SLC2A13: variants seen among roughly 807,000 people sequenced by gnomAD.
SLC2A13 encodes the protein solute carrier family 2 member 13.
SLC2A13 carries 32 observed loss-of-function variants against 64.4 expected under a neutral mutation model. The ratio of observed to expected loss-of-function variants is 0.50; its 90% confidence interval spans 0.37 to 0.67. The LOEUF is 0.67. SLC2A13 is among the 30% of genes least tolerant of loss of function. The pLI, the probability that SLC2A13 is intolerant of heterozygous loss-of-function variation, is 0.00. For synonymous variants in SLC2A13, 338 were observed against 327.1 expected (o/e 1.03, Z -0.36); for missense variants, 743 against 829.2 (o/e 0.90, Z 1.28).
At chr12:39,802,146 C>T (rs1566806891) in intron 7 of SLC2A13, 2 of 152,246 alleles carry the variant, frequency 1.3e-5, no homozygotes, top group South Asian at 2.1e-4. Flanking sequence ...ATCTTTGCGA[C>T]TGCATATGGC....
chr12:39,900,059 C>A (rs1945043027), intron 4 of SLC2A13, among the ~76,000 whole-genome samples: 3 of 152,024 alleles, frequency 2.0e-5, no homozygotes, highest in Admixed American at 6.6e-5. Flanking sequence ...TAAATGTAAT[C>A]CAGCATATAA....
intron 7 of SLC2A13, among the ~76,000 whole-genome samples, chr12:39,774,429 A>G (rs1041546176): frequency 6.6e-6 from 1 of 152,226 alleles, no homozygotes; most frequent in African/African-American, 2.4e-5. Flanking sequence ...ATAATCTAAA[A>G]TGAAATAAAC....
At chr12:39,986,054 T>C (rs1947025485) in intron 3 of SLC2A13, among the ~76,000 whole-genome samples, 1 of 152,094 alleles carries the variant, frequency 6.6e-6, no homozygotes, top group Admixed American at 6.6e-5. Context: ...TGTCCTCACA[T>C]GACGGGAGGG....
At chr12:39,800,254 C>T (rs576624950) in intron 7 of SLC2A13, among the ~76,000 whole-genome samples, 16 of 152,144 alleles carry the variant, frequency 1.1e-4, no homozygotes, top group Non-Finnish European at 2.4e-4. Flanking sequence ...ACTAGAATCT[C>T]TTCTGAGAAT....
chr12:40,071,576 T>C (rs2136270079), intron 1 of SLC2A13, among the ~76,000 whole-genome samples: 1 of 152,286 alleles, frequency 6.6e-6, no homozygotes, highest in South Asian at 2.1e-4. Flanking sequence ...TTCTAAACAA[T>C]TGGTACAGTT....
rs202141999 is a variant in SLC2A13, at chr12:39,995,403, T to TCC, written c.925+32896_925+32897dup. Among the ~76,000 whole-genome samples the TCC allele has an allele frequency of 2.8e-3, 419 of 152,000 alleles. 1 individual carries two copies. Among genetic ancestry groups the TCC allele is most frequent in the African/African-American group, 9.0e-3 (371 of 41,354 alleles). ...TTTATTCCTTCCACCTCTTCTCATT[T>TCC]CCCCTCCCCGCTACCCTTCCCATCC... On this transcript the variant is annotated intron_variant, in intron 3 of 9. Coordinates refer to ENST00000280871, the MANE Select transcript of SLC2A13 (RefSeq NM_052885.4).
intron 4 of SLC2A13, among the ~76,000 whole-genome samples, chr12:39,891,628 C>G (rs1944611230): frequency 1.3e-5 from 2 of 152,072 alleles, no homozygotes; most frequent in East Asian, 1.9e-4. Flanking sequence ...TTTTCTGCAG[C>G]CTATTACTGC....
intron 6 of SLC2A13, among the ~76,000 whole-genome samples, chr12:39,833,560 A>C (rs1257372022): frequency 1.3e-5 from 2 of 152,000 alleles, no homozygotes; most frequent in Non-Finnish European, 2.9e-5. Context: ...GCAGAACTTC[A>C]TGTTTGGCTC....
At chr12:40,017,791 T>A (rs1449101981) in intron 3 of SLC2A13, among the ~76,000 whole-genome samples, 3 of 151,858 alleles carry the variant, frequency 2.0e-5, no homozygotes, top group Non-Finnish European at 4.4e-5. Flanking sequence ...TGAGCAGTGG[T>A]CTCATAAAAG....
At chr12:39,807,432 T>C (rs2135797746) in intron 7 of SLC2A13, among the ~76,000 whole-genome samples, 2 of 152,328 alleles carry the variant, frequency 1.3e-5, no homozygotes, top group Middle Eastern at 3.4e-3. Context: ...CAAGTTGTTA[T>C]TCAGGGGAAC....
At chr12:40,041,124 A>AT (rs375541773) in intron 2 of SLC2A13, among the ~76,000 whole-genome samples, 1 of 151,770 alleles carries the variant, frequency 6.6e-6, no homozygotes, top group East Asian at 1.9e-4. Context: ...GGCTAATTTT[A>AT]TTTTTTTAGT....
intron 3 of SLC2A13, among the ~76,000 whole-genome samples, chr12:39,960,254 T>C (rs1363067944): frequency 6.6e-6 from 1 of 152,222 alleles, no homozygotes; most frequent in East Asian, 1.9e-4. Context: ...GCTGCACTTG[T>C]ATGTTAATTT....
intron 1 of SLC2A13, among the ~76,000 whole-genome samples, chr12:40,080,419 C>T (rs1592066342): frequency 6.6e-6 from 1 of 152,128 alleles, no homozygotes; most frequent in East Asian, 1.9e-4. Context: ...GAGAGGGGGC[C>T]TTGCTCTGTC....
At chr12:40,098,828 G>A (rs577455774) in intron 1 of SLC2A13, among the ~76,000 whole-genome samples, 6 of 152,358 alleles carry the variant, frequency 3.9e-5, no homozygotes, top group African/African-American at 1.4e-4. Flanking sequence ...CATTCAACAA[G>A]TCTTAAGTAC....
In SLC2A13 at chr12:39,764,435, T is replaced by A. The variant is rs376766471; in HGVS notation, c.1720+25A>T. On this transcript the variant is annotated intron_variant, in intron 9 of 9. Transcript: ENST00000280871. ...ATAGTGATAAAAATAAAAACAAAACTATGTTAGAAAAAATATTATCTTACC... is the reference window on the plus strand; with the variant it reads ...ATAGTGATAAAAATAAAAACAAAACAATGTTAGAAAAAATATTATCTTACC... 3.3e-6 allele frequency: 5 copies of A among 1,527,150 alleles called. No individual in the cohort carries two copies. In the African/African-American group the frequency reaches 7.0e-5, roughly 21 times the overall value. The allele number at this position is 1,527,150 out of a possible 1,614,324, so 94.6% of individuals were successfully genotyped here. A position where few individuals can be genotyped will look rare whatever the true frequency, so the allele number is the denominator to read the frequency against.
intron 4 of SLC2A13, among the ~76,000 whole-genome samples, chr12:39,875,526 T>C (rs950399721): frequency 2.0e-5 from 3 of 152,216 alleles, no homozygotes; most frequent in Admixed American, 1.3e-4. Context: ...AGGATGTTTG[T>C]ATGTCCTTGG....
chr12:39,940,410 A>AT (rs573235150), intron 4 of SLC2A13, among the ~76,000 whole-genome samples: 92 of 148,198 alleles, frequency 6.2e-4, no homozygotes, highest in Middle Eastern at 3.5e-3. Context: ...TTGCGTGGTA[A>AT]TTTTTTTTTT....
At chr12:39,997,557 A>G (rs574984643) in intron 3 of SLC2A13, among the ~76,000 whole-genome samples, 2 of 152,358 alleles carry the variant, frequency 1.3e-5, no homozygotes, top group African/African-American at 4.8e-5. Flanking sequence ...CAGGCCAGGC[A>G]TAATGGCTCA....
chr12:40,065,586 C>T (rs1400834626), intron 1 of SLC2A13, among the ~76,000 whole-genome samples: 1 of 121,694 alleles, frequency 8.2e-6, no homozygotes, highest in Non-Finnish European at 1.9e-5. Context: ...CTGTCTCAAA[C>T]AAACAAACAA....
Sources: gnomAD v4.1 joint callset for allele counts (sites outside exome capture counted in the v4.1 genomes callset) on GRCh38, gnomAD v4.1.1 for gene constraint, MANE v1.5 for transcripts, NCBI Gene and HGNC (gene_info 2026-07-23, HGNC 2026-07-21) for gene names.